IQGAP2: variants seen among roughly 807,000 people sequenced by gnomAD.
IQGAP2 encodes ras GTPase-activating-like protein IQGAP2.
IQGAP2 carries 173 observed loss-of-function variants against 201.3 expected under a neutral mutation model. The ratio of observed to expected loss-of-function variants is 0.86; its 90% CI spans 0.76 to 0.98. IQGAP2 has a LOEUF of 0.98. Among genes scored for constraint, IQGAP2 ranks in the 50% least tolerant of loss-of-function variants. IQGAP2 has a pLI of 0.00. For synonymous variants in IQGAP2, 675 were observed against 673.9 expected (o/e 1.00, Z -0.03); for missense variants, 1,687 against 1,864.8 (o/e 0.90, Z 1.76).
intron 2 of IQGAP2, among the ~76,000 whole-genome samples, chr5:76,503,585 T>C (rs1470513354): frequency 6.6e-6 from 1 of 152,090 alleles, no homozygotes; most frequent in Non-Finnish European, 1.5e-5. Context: ...GTTACTTTTT[T>C]TTTAAAAATT....
intron 1 of IQGAP2, among the ~76,000 whole-genome samples, chr5:76,447,760 G>A (rs1450316631): frequency 1.3e-5 from 2 of 152,172 alleles, no homozygotes; most frequent in African/African-American, 4.8e-5. Context: ...GGTACACATA[G>A]CACATCTTCT....
At chr5:76,563,385 T>G (rs1744518376) in intron 3 of IQGAP2, among the ~76,000 whole-genome samples, 1 of 152,194 alleles carries the variant, frequency 6.6e-6, no homozygotes, top group East Asian at 1.9e-4. Flanking sequence ...TCAAAGTATT[T>G]ACAGATGAAG....
At chr5:76,623,399 G>A in intron 13 of IQGAP2, 1 of 676,434 alleles carries the variant, frequency 1.5e-6, no homozygotes, top group African/African-American at 1.8e-5. Context: ...CCTCCGCAGG[G>A]AAAGGATGTA....
At chr5:76,676,597 G>T (rs931842606) in intron 27 of IQGAP2, among the ~76,000 whole-genome samples, 6 of 152,210 alleles carry the variant, frequency 3.9e-5, no homozygotes, top group African/African-American at 1.4e-4. Flanking sequence ...CTTGATCTCT[G>T]TCAAAACTTG....
chr5:76,637,074 A>C lies in IQGAP2; in HGVS notation c.1821A>C (p.Lys607Asn). Residue 607 changes from lysine to asparagine, a missense_variant, in exon 16 of 36, where the codon AAA becomes AAC. By Grantham distance (94) the Lys-to-Asn change is moderately conservative. Transcript: ENST00000274364. ...DGSWLKLNLH[K>N]KYDYYYNTDS... ...CATGGCTCAAACTCAACCTGCACAA[A>C]AAATATGACTACTATTACAACACTG... is the stretch of plus-strand genomic sequence containing the variant. The C allele has an allele frequency of 6.2e-7, 1 of 1,612,096 alleles. No homozygotes were observed. Among genetic ancestry groups the C allele is most frequent in the Non-Finnish European group, 8.5e-7 (1 of 1,178,714 alleles).
At chr5:76,618,489 T>C (rs376221361) in intron 13 of IQGAP2, 2 of 1,614,152 alleles carry the variant, frequency 1.2e-6, no homozygotes, top group African/African-American at 2.7e-5. Flanking sequence ...TGAAGCACTT[T>C]CTTCAGGGCA....
intron 23 of IQGAP2, among the ~76,000 whole-genome samples, chr5:76,669,167 G>A (rs1350299636): frequency 6.6e-6 from 1 of 152,218 alleles, no homozygotes; most frequent in Non-Finnish European, 1.5e-5. Context: ...TAACAGGTGG[G>A]AATGCAGAGT....
At chr5:76,614,563 G>A (rs1163100314) in intron 13 of IQGAP2, among the ~76,000 whole-genome samples, 1 of 122,142 alleles carries the variant, frequency 8.2e-6, no homozygotes, top group Non-Finnish European at 1.7e-5. Context: ...TCCTAATTCT[G>A]TTGTTTGGCA....
At chr5:76,697,487 T>TA (rs1433649685) in intron 32 of IQGAP2, among the ~76,000 whole-genome samples, 2 of 151,998 alleles carry the variant, frequency 1.3e-5, no homozygotes, top group Admixed American at 1.3e-4. Context: ...CTACTAAAAA[T>TA]ACAAAAATTA....
intron 35 of IQGAP2, among the ~76,000 whole-genome samples, chr5:76,703,880 T>A (rs1747646613): frequency 6.6e-6 from 1 of 152,218 alleles, no homozygotes; most frequent in Non-Finnish European, 1.5e-5. Flanking sequence ...GAGAGTGATG[T>A]GAATTCTGGC....
chr5:76,702,874 A>G (rs1747534115), intron 35 of IQGAP2, among the ~76,000 whole-genome samples: 1 of 152,210 alleles, frequency 6.6e-6, no homozygotes, highest in Non-Finnish European at 1.5e-5. Context: ...AAGTATTCAG[A>G]GCTATTAAAT....
intron 12 of IQGAP2, chr5:76,609,066 G>A: frequency 6.6e-7 from 1 of 1,519,942 alleles, no homozygotes. Flanking sequence ...TAATCTTTCA[G>A]CTCCTATGAT....
chr5:76,426,698 G>T (rs970526193), intron 1 of IQGAP2, among the ~76,000 whole-genome samples: 7 of 152,178 alleles, frequency 4.6e-5, no homozygotes, highest in African/African-American at 1.7e-4. Context: ...GAAGGGCGCT[G>T]GACGAGAGGA....
In IQGAP2 at chr5:76,671,913, A is replaced by G; in HGVS notation, c.2998A>G (p.Ile1000Val). 6.2e-7 allele frequency: 1 copy of G among 1,614,174 alleles called. No homozygotes were observed. The highest frequency in any genetic ancestry group is 8.5e-7 in the Non-Finnish European group (1 of 1,180,022). ...GATCATCGACGACAAGTCGCTGATT[A>G]TCAACACAAACCCTGTAGAGGTGTA... The part of the protein sequence containing the change: ...KEIIDDKSLI[I>V]NTNPVEVYKA... Residue 1000 changes from isoleucine (I) to valine (V), a missense_variant, in exon 24 of 36, where the codon ATC (isoleucine) becomes GTC (valine). Ile to Val is a conservative substitution (Grantham distance 29). Coordinates refer to ENST00000274364, the MANE Select transcript of IQGAP2 (RefSeq NM_006633.5).
chr5:76,707,082 C>T, intron 35 of IQGAP2, 118 bp from the exon 36 acceptor site: 4 of 641,274 alleles, frequency 6.2e-6, no homozygotes, highest in Non-Finnish European at 1.1e-5. Context: ...CATAGTTAGA[C>T]CCCACCCAGG....
chr5:76,407,792 C>T (rs1302796947), intron 1 of IQGAP2, among the ~76,000 whole-genome samples: 3 of 152,130 alleles, frequency 2.0e-5, no homozygotes, highest in African/African-American at 7.2e-5. Flanking sequence ...CAATGACTTA[C>T]TATTGCCATC....
At chr5:76,438,227 T>C (rs1336532324) in intron 1 of IQGAP2, among the ~76,000 whole-genome samples, 1 of 152,036 alleles carries the variant, frequency 6.6e-6, no homozygotes, top group African/African-American at 2.4e-5. Flanking sequence ...GGCTCTTTTT[T>C]CTTTGGCAGG....
At position 76,618,623 on chromosome 5, in the gene IQGAP2, G is replaced by A. The variant is rs769548975; in HGVS notation, c.1521+7440G>A. ...TGGGTAAGGTTGGCTTTGCCAAGTT[G>A]TTTGTATCATTTTCCATGCCTGTAA... On this transcript the variant is annotated intron_variant, in intron 13 of 35. Coordinates refer to ENST00000274364, the MANE Select transcript of IQGAP2 (RefSeq NM_006633.5). 21 of 1,611,576 alleles carry A rather than the reference G, an allele frequency of 1.3e-5. 1 individual carries two copies. The Middle Eastern group carries it at 6.6e-4, about 51-fold the overall frequency.
At chr5:76,469,165 G>A (rs1754970913) in intron 2 of IQGAP2, among the ~76,000 whole-genome samples, 1 of 152,216 alleles carries the variant, frequency 6.6e-6, no homozygotes, top group African/African-American at 2.4e-5. Flanking sequence ...AGTCCTTCCC[G>A]ACAGGTTTGT....
Sources: allele counts gnomAD v4.1 joint callset (sites outside exome capture counted in the v4.1 genomes callset), GRCh38; gene constraint gnomAD v4.1.1; transcripts MANE v1.5; gene names NCBI Gene and HGNC (gene_info 2026-07-23, HGNC 2026-07-21).